Variants in DISC1 observed in about 807,000 individuals in gnomAD.
DISC1 encodes DISC1 scaffold protein.
Under a neutral mutation model 84.5 loss-of-function variants are expected in DISC1, and 57 were observed. The ratio of observed to expected loss-of-function variants is 0.67; its 90% confidence interval spans 0.55 to 0.84. The LOEUF is 0.84. DISC1 is among the 40% of genes least tolerant of loss of function. DISC1 has a pLI of 0.00. For synonymous variants in DISC1, 411 were observed against 415.2 expected, an observed-to-expected ratio of 0.99 and a Z score of 0.12; for missense variants, 1,000 against 1,057.8, an observed-to-expected ratio of 0.95 and a Z score of 0.76.
chr1:231,734,158 CAT>C (rs1180499923), intron 3 of DISC1, among the ~76,000 whole-genome samples: 6 of 152,186 alleles, frequency 3.9e-5, no homozygotes, highest in Admixed American at 3.9e-4. Flanking sequence ...GCTTGGACCA[CAT>C]ATATAAGTGA....
At chr1:231,916,028 G>T (rs2089596882) in intron 9 of DISC1, among the ~76,000 whole-genome samples, 1 of 152,158 alleles carries the variant, frequency 6.6e-6, no homozygotes, top group African/African-American at 2.4e-5. Flanking sequence ...GCTTTTACAG[G>T]ATTACGAAGA....
rs114758983 is a variant in DISC1 at position 231,716,051 on chromosome 1, A to T, written c.1117+14027A>T. Among the ~76,000 whole-genome samples the T allele has an allele frequency of 9.5e-3, 1,450 of 152,220 alleles. 24 individuals carry two copies. The highest frequency in any genetic ancestry group is 0.033 in the African/African-American group (1,352 of 41,494). On this transcript the variant is annotated intron_variant, in intron 3 of 12. Transcript: ENST00000439617. ...CTGTGTGGGTGGAAGGTTAAATGTG[A>T]TAATGATGTGTGTGAGATGCCTGCA...
At chr1:231,634,529 C>G (rs1476948558) in intron 1 of DISC1, among the ~76,000 whole-genome samples, 2 of 152,146 alleles carry the variant, frequency 1.3e-5, no homozygotes, top group African/African-American at 4.8e-5. Flanking sequence ...AAATGTGAGA[C>G]ACTGTCCTTG....
chr1:231,748,074 A>G (rs1376285753), intron 3 of DISC1, among the ~76,000 whole-genome samples: 1 of 152,158 alleles, frequency 6.6e-6, no homozygotes, highest in Non-Finnish European at 1.5e-5. Context: ...TGGTTTTTGT[A>G]TATTAATTTT....
intron 1 of DISC1, among the ~76,000 whole-genome samples, chr1:231,662,497 G>A (rs1265681514): frequency 1.3e-5 from 2 of 152,168 alleles, no homozygotes; most frequent in Non-Finnish European, 2.9e-5. Context: ...GGAATGAATC[G>A]GGGTCCCACT....
At chr1:231,794,038 C>T (rs2078556611) in intron 6 of DISC1, among the ~76,000 whole-genome samples, 3 of 152,184 alleles carry the variant, frequency 2.0e-5, no homozygotes, top group Admixed American at 6.5e-5. Flanking sequence ...CCCCCCAAGG[C>T]CTCCCAAAGT....
chr1:231,722,661 G>C, intron 3 of DISC1: 1 of 1,611,096 alleles, frequency 6.2e-7, no homozygotes, highest in Non-Finnish European at 8.5e-7. Flanking sequence ...CGTAGATCAT[G>C]ACTTCTTTAG....
At chr1:231,909,537 G>A (rs1006077089) in intron 9 of DISC1, among the ~76,000 whole-genome samples, 23 of 152,170 alleles carry the variant, frequency 1.5e-4, no homozygotes, top group Non-Finnish European at 2.2e-4. Flanking sequence ...GATCCTAGTG[G>A]ACAAGCTTTT....
chr1:231,775,680 A>C (rs183222709), intron 6 of DISC1, among the ~76,000 whole-genome samples: 45 of 152,300 alleles, frequency 3.0e-4, no homozygotes, highest in Middle Eastern at 6.8e-3. Flanking sequence ...GCAGGGGTGC[A>C]TGAAAGGACA....
chr1:231,801,590 CT>C (rs896109359), intron 8 of DISC1, among the ~76,000 whole-genome samples: 4 of 152,138 alleles, frequency 2.6e-5, no homozygotes, highest in African/African-American at 9.7e-5. Context: ...GGTAACTGAC[CT>C]TTTGACCTCA....
chr1:231,773,100 A>G (rs2076680008), intron 6 of DISC1, among the ~76,000 whole-genome samples: 1 of 152,228 alleles, frequency 6.6e-6, no homozygotes, highest in East Asian at 1.9e-4. Context: ...AGCTAGTAAG[A>G]GACCATCTTG....
intron 1 of DISC1, among the ~76,000 whole-genome samples, chr1:231,648,494 A>G (rs575244468): frequency 6.6e-5 from 10 of 152,338 alleles, no homozygotes; most frequent in Admixed American, 5.2e-4. Flanking sequence ...ATCGACGTTC[A>G]TCAGGGATAT....
intron 4 of DISC1, among the ~76,000 whole-genome samples, chr1:231,764,224 G>A (rs1431655059): frequency 6.6e-6 from 1 of 152,180 alleles, no homozygotes; most frequent in South Asian, 2.1e-4. Context: ...GACCTTGAAG[G>A]TGATGTTATT....
At chr1:232,004,314 T>C (rs2102977866) in intron 10 of DISC1, among the ~76,000 whole-genome samples, 1 of 152,068 alleles carries the variant, frequency 6.6e-6, no homozygotes, top group Admixed American at 6.5e-5. Flanking sequence ...AGTAATAAGA[T>C]AGCAAACCTT....
At position 231,968,197 on chromosome 1, in the gene DISC1, C is replaced by T. The variant is rs752542179; in HGVS notation, c.2042+9309C>T. 2.2e-4 allele frequency among the ~76,000 whole-genome samples: 34 copies of T among 152,254 alleles called. 1 individual carries two copies. The Middle Eastern group carries it at 0.01, about 46-fold the overall frequency. ...GTTCACTTGTGATGGAATTTAGTTT[C>T]CAGAGTACTCAGATCAATTCAAAAA... On this transcript the variant is annotated intron_variant, in intron 10 of 12. Coordinates refer to ENST00000439617, the MANE Select transcript of DISC1 (RefSeq NM_018662.3).
At chr1:231,722,571 G>C (rs547955972) in intron 3 of DISC1, 1 of 1,614,164 alleles carries the variant, frequency 6.2e-7, no homozygotes, top group South Asian at 1.1e-5. Context: ...CACCATGGAA[G>C]CCTCGACATC....
intron 10 of DISC1, among the ~76,000 whole-genome samples, chr1:231,976,758 T>C (rs924132986): frequency 2.6e-5 from 4 of 152,238 alleles, no homozygotes; most frequent in Admixed American, 2.0e-4. Flanking sequence ...ATTTAATACT[T>C]ATGGCACAAA....
rs545102861 is a variant in DISC1 at position 231,939,334 on chromosome 1, G to A, written c.1982-19494G>A. Among the ~76,000 whole-genome samples the A allele has an allele frequency of 6.6e-5, 10 of 152,272 alleles. No individual in the cohort carries two copies. In the South Asian group the frequency reaches 1.2e-3, roughly 19 times the overall value. ...GTTGCTCAATAAGTAGTTGTTGAGC[G>A]AATAAATGAATAAATGAATGACTCC... On this transcript the variant is annotated intron_variant, in intron 9 of 12. Transcript: ENST00000439617.
intron 1 of DISC1, among the ~76,000 whole-genome samples, chr1:231,652,473 A>G (rs968229407): frequency 2.0e-5 from 3 of 152,206 alleles, no homozygotes; most frequent in African/African-American, 4.8e-5. Context: ...TACAGGGTCA[A>G]CTGGAGGAAA....
Sources: gnomAD v4.1 joint callset for allele counts (sites outside exome capture counted in the v4.1 genomes callset) on GRCh38, gnomAD v4.1.1 for gene constraint, MANE v1.5 for transcripts, NCBI Gene and HGNC (gene_info 2026-07-23, HGNC 2026-07-21) for gene names.